SNRK: variants seen among roughly 807,000 people sequenced by gnomAD.
SNRK encodes SNF related kinase, also known as SNF-related serine/threonine-protein kinase.
A neutral mutation model predicts 48.2 loss-of-function variants in SNRK; 3 were observed. The ratio of observed to expected loss-of-function variants is 0.06; its 90% confidence interval spans 0.03 to 0.16. SNRK has a LOEUF of 0.16. SNRK is among the 10% of genes least tolerant of loss of function. SNRK has a pLI of 1.00. For missense variants in SNRK, 627 were observed against 976.0 expected (o/e 0.64, Z 4.76); for synonymous variants, 376 against 366.1 (o/e 1.03, Z -0.31).
rs531790108 is a variant in SNRK at position 43,327,174 on chromosome 3, T to G, written c.590-4995T>G. 2.0e-5 allele frequency among the ~76,000 whole-genome samples: 3 copies of G among 152,332 alleles called. No individual in the cohort carries two copies. The South Asian group carries it at 6.2e-4, about 32-fold the overall frequency. ...CATGATTTTGAATGCAGACAAGTAG[T>G]TCTTCTGTGTAAATAGGAATTCAGA... is the stretch of plus-strand genomic sequence containing the variant. On this transcript the variant is annotated intron_variant, in intron 3 of 6. Coordinates refer to ENST00000296088, the MANE Select transcript of SNRK (RefSeq NM_017719.5).
chr3:43,323,310 AAAG>A lies in SNRK; in HGVS notation c.590-8856_590-8854del, dbSNP rs563927773. Among the ~76,000 whole-genome samples, 7 of 152,380 alleles carry A rather than the reference AAAG, an allele frequency of 4.6e-5. No homozygotes were observed. The South Asian group carries it at 1.4e-3, about 32-fold the overall frequency. On this transcript the variant is annotated intron_variant, in intron 3 of 6. Transcript: ENST00000296088. The stretch of plus-strand genomic sequence containing the variant: ...TACAGTACCAAGAGCATGATCCAAA[AAAG>A]AAAAATATTGAATAATTCACCAGAA...
intron 1 of SNRK, among the ~76,000 whole-genome samples, chr3:43,295,304 T>A (rs950120647): frequency 2.0e-5 from 3 of 152,254 alleles, no homozygotes; most frequent in African/African-American, 7.2e-5. Context: ...AAACCAGTAC[T>A]TCAAGGATTC....
intron 3 of SNRK, among the ~76,000 whole-genome samples, chr3:43,316,987 T>A (rs1160871398): frequency 4.6e-5 from 7 of 152,200 alleles, no homozygotes; most frequent in Non-Finnish European, 8.8e-5. Context: ...CTCTTAGTGC[T>A]TTTAACTAGA....
Position 43,298,409 on chromosome 3 carries a change from GT to G in SNRK, c.-168-1344del, listed in dbSNP as rs1299280306. 5.9e-5 allele frequency among the ~76,000 whole-genome samples: 9 copies of G among 152,258 alleles called. No individual in the cohort carries two copies. The South Asian group carries it at 6.2e-4, about 11-fold the overall frequency. The stretch of plus-strand genomic sequence containing the variant: ...CTCTTGGAGCTGAAGAACCAGTCAG[GT>G]AGGCATCCCAGGGTTCATCTGTCAC... On this transcript the variant is annotated intron_variant, in intron 1 of 6. Coordinates refer to ENST00000296088, the MANE Select transcript of SNRK (RefSeq NM_017719.5).
chr3:43,303,653 A>G lies in SNRK; in HGVS notation c.450A>G (p.Lys150=). ...CAGAGAATGTAGTCTTCTTTGAAAAACAAGGTCTTGTAAAGTTGACAGACT... is the reference window on the plus strand; with the variant it reads ...CAGAGAATGTAGTCTTCTTTGAAAAGCAAGGTCTTGTAAAGTTGACAGACT... ...LKPENVVFFE[K]QGLVKLTDFG... is the part of the protein sequence containing the mutation. Residue 150 remains lysine, a synonymous_variant, in exon 3 of 7, where the codon AAA becomes AAG. Transcript: ENST00000296088. The surrounding 1 kb of genome is among the most constrained non-coding windows in gnomAD (Gnocchi z 6.2). The G allele has an allele frequency of 6.2e-7, 1 of 1,614,148 alleles. No homozygotes were observed. The highest frequency in any genetic ancestry group is 8.5e-7 in the Non-Finnish European group (1 of 1,180,010).
At position 43,292,671 on chromosome 3, in the gene SNRK, A is replaced by T. The variant is rs137997334; in HGVS notation, c.-169+5996A>T. Among the ~76,000 whole-genome samples, 32 of 152,198 alleles carry T rather than the reference A, an allele frequency of 2.1e-4. No homozygotes were observed. In the East Asian group the frequency reaches 6.2e-3, roughly 29 times the overall value. The stretch of plus-strand genomic sequence containing the variant: ...AAGCCAGCCAGCTGTAGGCACTCTT[A>T]CTTTGTTTCTTGTTTACCCCACTTT... On this transcript the variant is annotated intron_variant, in intron 1 of 6. Coordinates refer to ENST00000296088, the MANE Select transcript of SNRK (RefSeq NM_017719.5).
intron 1 of SNRK, among the ~76,000 whole-genome samples, chr3:43,289,999 T>A (rs528968858): frequency 6.6e-6 from 1 of 152,220 alleles, no homozygotes; most frequent in Non-Finnish European, 1.5e-5. Flanking sequence ...TTGACTAATA[T>A]TTGCCTGGAC....
intron 3 of SNRK, among the ~76,000 whole-genome samples, chr3:43,320,126 T>C (rs1432825570): frequency 2.0e-5 from 3 of 152,204 alleles, no homozygotes; most frequent in Non-Finnish European, 2.9e-5. Flanking sequence ...CATTGCTGTT[T>C]TATATACTAG....
chr3:43,294,296 A>G (rs1352635596), intron 1 of SNRK, among the ~76,000 whole-genome samples: 2 of 152,216 alleles, frequency 1.3e-5, no homozygotes, highest in Non-Finnish European at 2.9e-5. Flanking sequence ...GAATTTTGTC[A>G]GATTTTGTAA....
intron 3 of SNRK, among the ~76,000 whole-genome samples, chr3:43,305,976 A>G (rs1471436873): frequency 1.3e-5 from 2 of 152,134 alleles, no homozygotes; most frequent in East Asian, 3.9e-4. Flanking sequence ...TGGTGGGTAC[A>G]CAGGAGTTCA....
intron 3 of SNRK, among the ~76,000 whole-genome samples, chr3:43,322,701 C>T (rs572614186): frequency 7.2e-5 from 11 of 152,062 alleles, no homozygotes; most frequent in Admixed American, 4.6e-4. Flanking sequence ...GCCTGTAATC[C>T]GAGCACTTTG....
At chr3:43,343,089 G>T (rs1325657075) in intron 5 of SNRK, 3 of 382,804 alleles carry the variant, frequency 7.8e-6, no homozygotes, top group African/African-American at 6.3e-5. Context: ...CTCAGCTGCT[G>T]TTGGCATTTT....
At chr3:43,313,934 T>C (rs1388459879) in intron 3 of SNRK, among the ~76,000 whole-genome samples, 1 of 152,222 alleles carries the variant, frequency 6.6e-6, no homozygotes, top group African/African-American at 2.4e-5. Context: ...TTCTGGCTTA[T>C]TGTGTAGTGT....
At chr3:43,296,436 A>ATATATATATATATATATATATATG (rs1559458600) in intron 1 of SNRK, among the ~76,000 whole-genome samples, 1 of 145,452 alleles carries the variant, frequency 6.9e-6, no homozygotes, top group South Asian at 2.1e-4. Flanking sequence ...ATATATATGT[A>ATATATATATATATATATATATATG]TATATATATA....
intron 4 of SNRK, among the ~76,000 whole-genome samples, chr3:43,338,788 T>C (rs866454593): frequency 6.6e-6 from 1 of 152,216 alleles, no homozygotes; most frequent in Non-Finnish European, 1.5e-5. Context: ...TTATTTTTCA[T>C]TTTTAGAAGC....
At chr3:43,336,969 G>T (rs1164103846) in intron 4 of SNRK, among the ~76,000 whole-genome samples, 1 of 152,080 alleles carries the variant, frequency 6.6e-6, no homozygotes, top group Non-Finnish European at 1.5e-5. Context: ...AGCCAGGGTG[G>T]TCTCGATCTC....
chr3:43,319,583 T>A (rs1266394544), intron 3 of SNRK, among the ~76,000 whole-genome samples: 3 of 152,216 alleles, frequency 2.0e-5, no homozygotes, highest in Non-Finnish European at 4.4e-5. Flanking sequence ...GTGCCAAGCC[T>A]GCCTCACTCC....
At chr3:43,342,184 G>A (rs142437130) in intron 5 of SNRK, among the ~76,000 whole-genome samples, 2 of 152,260 alleles carry the variant, frequency 1.3e-5, no homozygotes, top group African/African-American at 4.8e-5. Flanking sequence ...AAATCCAAAA[G>A]GTAGTGCAAT....
At position 43,348,221 on chromosome 3, in the gene SNRK, C is replaced by G. The variant is rs780522476; in HGVS notation, c.1962C>G (p.Leu654=). The change falls in exon 7 of 7, where the codon CTC becomes CTG. Residue 654 remains leucine (L), a synonymous_variant. Transcript: ENST00000296088. ...GCCTCAAACTCATGAGCCTCTGCCT[C>G]GGCTCCCAGCTTCATGGGAGCACCA... ...VESLKLMSLC[L]GSQLHGSTKY... is the part of the protein sequence containing the mutation. 3 of 1,611,342 alleles carry G rather than the reference C, an allele frequency of 1.9e-6. No homozygotes were observed. Among genetic ancestry groups the G allele is most frequent in the Non-Finnish European group, 2.5e-6 (3 of 1,178,726 alleles).
Sources: gnomAD v4.1 joint callset for allele counts (sites outside exome capture counted in the v4.1 genomes callset) on GRCh38, gnomAD v4.1.1 for gene constraint, Gnocchi (gnomAD v3.1) non-coding constraint, MANE v1.5 for transcripts, NCBI Gene and HGNC (gene_info 2026-07-23, HGNC 2026-07-21) for gene names.